The following DIAPH3 variants were observed in gnomAD, a reference collection of about 807,000 sequenced individuals.
The protein encoded by DIAPH3 is diaphanous related formin 3, also known as protein diaphanous homolog 3.
Under a neutral mutation model 144.3 loss-of-function variants are expected in DIAPH3, and 117 were observed. The observed-to-expected ratio is 0.81, with a 90% CI of 0.70 to 0.95. DIAPH3 has a LOEUF of 0.95. Among genes scored for constraint, DIAPH3 ranks in the 40% least tolerant of loss-of-function variants. DIAPH3 has a pLI of 0.00. For synonymous variants in DIAPH3, 519 were observed against 488.9 expected, an observed-to-expected ratio of 1.06 and a Z score of -0.81; for missense variants, 1,421 against 1,412.7, an observed-to-expected ratio of 1.01 and a Z score of -0.09.
intron 4 of DIAPH3, among the ~76,000 whole-genome samples, chr13:60,051,436 A>C (rs1273458337): frequency 2.0e-5 from 3 of 152,104 alleles, no homozygotes; most frequent in Non-Finnish European, 2.9e-5. Flanking sequence ...CCTGGCCAAC[A>C]TGTCAAAACC....
intron 27 of DIAPH3, among the ~76,000 whole-genome samples, chr13:59,725,770 A>G (rs1035367601): frequency 6.6e-6 from 1 of 152,218 alleles, no homozygotes; most frequent in African/African-American, 2.4e-5. Flanking sequence ...CCCTAGTGGT[A>G]GAACTGTCAC....
chr13:59,767,647 A>G (rs1238715485), intron 27 of DIAPH3, among the ~76,000 whole-genome samples: 2 of 152,110 alleles, frequency 1.3e-5, no homozygotes, highest in Admixed American at 1.3e-4. Flanking sequence ...AAAGATCATA[A>G]TAATTATAGT....
At chr13:59,943,991 C>G (rs1342347684) in intron 17 of DIAPH3, among the ~76,000 whole-genome samples, 1 of 152,012 alleles carries the variant, frequency 6.6e-6, no homozygotes, top group Non-Finnish European at 1.5e-5. Flanking sequence ...GTGGAAGGAT[C>G]ACTTGAGGCC....
intron 17 of DIAPH3, among the ~76,000 whole-genome samples, chr13:59,953,890 T>C (rs1210774550): frequency 6.6e-6 from 1 of 152,172 alleles, no homozygotes; most frequent in Admixed American, 6.5e-5. Context: ...AAAGAGCAAT[T>C]TGGAAGCTAT....
intron 5 of DIAPH3, among the ~76,000 whole-genome samples, chr13:60,032,060 T>G (rs992056111): frequency 2.0e-5 from 3 of 152,138 alleles, no homozygotes; most frequent in African/African-American, 7.2e-5. Flanking sequence ...AAAATAATCT[T>G]CTTGACTCTG....
chr13:60,003,872 G>A (rs748286536), intron 9 of DIAPH3, among the ~76,000 whole-genome samples: 10 of 152,036 alleles, frequency 6.6e-5, no homozygotes, highest in Admixed American at 2.0e-4. Flanking sequence ...GGGCCACCAC[G>A]CACGGCCCCT....
chr13:60,163,640 G>A lies in DIAPH3; in HGVS notation c.127C>T (p.His43Tyr), dbSNP rs915676408. 7 of 1,608,236 alleles carry A rather than the reference G, an allele frequency of 4.4e-6. No homozygotes were observed. The highest frequency in any genetic ancestry group is 5.1e-6 in the Non-Finnish European group (6 of 1,175,878). Residue 43 changes from histidine to tyrosine, a missense_variant, in exon 1 of 28, where the codon CAC (histidine) becomes TAC (tyrosine). Physicochemically the swap from His to Tyr is moderately conservative, Grantham distance 83. Coordinates refer to ENST00000400324, the MANE Select transcript of DIAPH3 (RefSeq NM_001042517.2). The part of the protein sequence containing the change: ...SKMPRRKGPQ[H>Y]PPPPSGPEEP... ...TCGGGGCCACTGGGCGGCGGAGGGTGTTGGGGGCCCTTCCTGCGCGGCATC... is the reference window on the plus strand; with the variant it reads ...TCGGGGCCACTGGGCGGCGGAGGGTATTGGGGGCCCTTCCTGCGCGGCATC...
chr13:60,056,505 T>C (rs1181428172), intron 4 of DIAPH3, among the ~76,000 whole-genome samples: 4 of 151,844 alleles, frequency 2.6e-5, no homozygotes, highest in Non-Finnish European at 4.4e-5. Flanking sequence ...TTTTATTTTA[T>C]TTTATTTTTC....
intron 4 of DIAPH3, among the ~76,000 whole-genome samples, chr13:60,089,874 A>G (rs2057874471): frequency 6.6e-6 from 1 of 152,192 alleles, no homozygotes; most frequent in Non-Finnish European, 1.5e-5. Context: ...TCCAGATTGA[A>G]TTAGAATTAA....
At chr13:60,069,526 G>A (rs2057115019) in intron 4 of DIAPH3, among the ~76,000 whole-genome samples, 1 of 152,066 alleles carries the variant, frequency 6.6e-6, no homozygotes, top group African/African-American at 2.4e-5. Flanking sequence ...ATTGCTTTTG[G>A]AGTCTCCATC....
chr13:59,850,197 T>G (rs2042881255), intron 22 of DIAPH3, among the ~76,000 whole-genome samples: 1 of 152,168 alleles, frequency 6.6e-6, no homozygotes, highest in Non-Finnish European at 1.5e-5. Flanking sequence ...TGAAGTTGCT[T>G]CTCAGCTTAA....
intron 3 of DIAPH3, among the ~76,000 whole-genome samples, chr13:60,099,761 T>C (rs1215404232): frequency 6.6e-6 from 1 of 152,158 alleles, no homozygotes; most frequent in Admixed American, 6.5e-5. Flanking sequence ...AGAATCACTG[T>C]GCTGATCTGA....
At chr13:59,934,845 G>C (rs1353782471) in intron 17 of DIAPH3, among the ~76,000 whole-genome samples, 1 of 152,054 alleles carries the variant, frequency 6.6e-6, no homozygotes, top group Admixed American at 6.5e-5. Context: ...CTGCAACCAA[G>C]CACATTAGAA....
At chr13:59,908,325 C>T (rs1192890471) in intron 20 of DIAPH3, among the ~76,000 whole-genome samples, 3 of 126,882 alleles carry the variant, frequency 2.4e-5, no homozygotes, top group Non-Finnish European at 3.1e-5. Flanking sequence ...GAGCCGAGAT[C>T]GTGCCACTGT....
intron 14 of DIAPH3, among the ~76,000 whole-genome samples, chr13:59,978,117 A>G (rs1471341392): frequency 6.6e-6 from 1 of 151,778 alleles, no homozygotes; most frequent in Non-Finnish European, 1.5e-5. Context: ...AATTGTCAAA[A>G]TAACACTCAC....
chr13:59,847,903 T>A (rs1349762587), intron 22 of DIAPH3, among the ~76,000 whole-genome samples: 1 of 152,178 alleles, frequency 6.6e-6, no homozygotes, highest in Non-Finnish European at 1.5e-5. Context: ...TCCTTAATAT[T>A]TAGCTGGCAC....
intron 4 of DIAPH3, among the ~76,000 whole-genome samples, chr13:60,070,433 G>C (rs2057158920): frequency 6.6e-6 from 1 of 151,510 alleles, no homozygotes; most frequent in Admixed American, 6.6e-5. Flanking sequence ...CATAAAAACA[G>C]TTTTAGGGTT....
chr13:60,113,754 A>C (rs1040937070), intron 2 of DIAPH3, among the ~76,000 whole-genome samples: 7 of 152,244 alleles, frequency 4.6e-5, no homozygotes, highest in African/African-American at 1.7e-4. Flanking sequence ...TTGAGGAAGA[A>C]GAATAAGTTA....
chr13:59,829,090 A>C (rs2041629260), intron 24 of DIAPH3, among the ~76,000 whole-genome samples: 1 of 151,980 alleles, frequency 6.6e-6, no homozygotes. Flanking sequence ...ATGAACTCGA[A>C]GGGCTGTATC....
Sources: allele counts gnomAD v4.1 joint callset (sites outside exome capture counted in the v4.1 genomes callset), GRCh38; gene constraint gnomAD v4.1.1; transcripts MANE v1.5; gene names NCBI Gene and HGNC (gene_info 2026-07-23, HGNC 2026-07-21).